Variants in MYH10 observed in about 807,000 individuals in gnomAD.
MYH10 encodes the protein myosin heavy chain 10, also known as myosin-10.
A neutral mutation model predicts 257.8 loss-of-function variants in MYH10; 55 were observed. The ratio of observed to expected loss-of-function variants is 0.21; its 90% CI spans 0.17 to 0.27. The LOEUF is 0.27. Among genes scored for constraint, MYH10 ranks in the 10% least tolerant of loss-of-function variants. The pLI, the probability that MYH10 is intolerant of heterozygous loss-of-function variation, is 1.00. For missense variants in MYH10, 1,631 were observed against 2,500.6 expected, an observed-to-expected ratio of 0.65 and a Z score of 7.42; for synonymous variants, 854 against 921.7, an observed-to-expected ratio of 0.93 and a Z score of 1.33.
chr17:8,601,726 A>G (rs1468726584), intron 3 of MYH10, among the ~76,000 whole-genome samples: 1 of 151,952 alleles, frequency 6.6e-6, no homozygotes, highest in Non-Finnish European at 1.5e-5. Flanking sequence ...CTCTGCTTTC[A>G]TTCATTCATT....
chr17:8,575,287 C>T (rs268460), intron 6 of MYH10, among the ~76,000 whole-genome samples: 146,502 of 152,308 alleles, frequency 0.96, 70,714 homozygotes, highest in East Asian at 1. Flanking sequence ...ATGTGTTCCA[C>T]AGGGAATTTG....
At chr17:8,571,927 C>CTT (rs10654533) in intron 6 of MYH10, among the ~76,000 whole-genome samples, 140,497 of 147,364 alleles carry the variant, frequency 0.95, 67,153 homozygotes, top group South Asian at 0.99. Context: ...CTCTAAAAGC[C>CTT]TTTTTTTTTT....
At chr17:8,487,319 C>A in intron 36 of MYH10, 114 bp downstream of exon 36, 2 of 1,292,254 alleles carry the variant, frequency 1.5e-6, no homozygotes, top group Non-Finnish European at 2.2e-6. Flanking sequence ...GCTGCCCCAC[C>A]CCCGGCCACG....
At chr17:8,627,195 C>T (rs150824908) in intron 1 of MYH10, among the ~76,000 whole-genome samples, 2 of 152,094 alleles carry the variant, frequency 1.3e-5, no homozygotes, top group East Asian at 3.9e-4. Context: ...GTAGGATTAC[C>T]AATGACTTTC....
intron 28 of MYH10, among the ~76,000 whole-genome samples, chr17:8,501,298 A>G (rs61548052): frequency 0.086 from 13,021 of 152,112 alleles, 696 homozygotes; most frequent in African/African-American, 0.15. Context: ...TTAAAAAAAA[A>G]CCAAAAAAAC....
rs147624587 is a variant in MYH10, at chr17:8,579,999, C to T, written c.531-2661G>A. Among the ~76,000 whole-genome samples the T allele has an allele frequency of 3.9e-5, 6 of 152,172 alleles. No individual in the cohort carries two copies. In the East Asian group the frequency reaches 5.8e-4, roughly 15 times the overall value. ...TCTTTTAGACAGGCATGGTGGCGGG[C>T]GCCTGTAATCCCAGCTACTCGGGAG... On this transcript the variant is annotated intron_variant, in intron 4 of 42. Transcript: ENST00000360416.
intron 1 of MYH10, among the ~76,000 whole-genome samples, chr17:8,627,982 C>A (rs1169089399): frequency 6.6e-6 from 1 of 152,176 alleles, no homozygotes; most frequent in Non-Finnish European, 1.5e-5. Context: ...AGAGTACACA[C>A]TACAATGATG....
chr17:8,566,866 A>G (rs567705427), intron 7 of MYH10, among the ~76,000 whole-genome samples: 1 of 152,294 alleles, frequency 6.6e-6, no homozygotes, highest in African/African-American at 2.4e-5. Flanking sequence ...GAACCACTAC[A>G]TTCTTTACCC....
rs569208731 is a variant in MYH10 at position 8,602,519 on chromosome 17, G to T, written c.502+2307C>A. On this transcript the variant is annotated intron_variant, in intron 3 of 42. Coordinates refer to ENST00000360416, the MANE Select transcript of MYH10 (RefSeq NM_001256012.3). ...TGCTGCATATGCTAATGTCTGACTA[G>T]CCCTGCAGATGCCCCCTCAATTATG... Among the ~76,000 whole-genome samples, 299 of 152,316 alleles carry T rather than the reference G, an allele frequency of 2.0e-3. 1 individual carries two copies. The highest frequency in any genetic ancestry group is 6.7e-3 in the African/African-American group (279 of 41,576).
chr17:8,536,525 C>T (rs887831017), intron 14 of MYH10, among the ~76,000 whole-genome samples: 1 of 151,960 alleles, frequency 6.6e-6, no homozygotes, highest in Non-Finnish European at 1.5e-5. Flanking sequence ...TTATGTGATG[C>T]AATTATTACT....
At chr17:8,587,394 C>T (rs1207708326) in intron 4 of MYH10, among the ~76,000 whole-genome samples, 3 of 152,110 alleles carry the variant, frequency 2.0e-5, no homozygotes, top group African/African-American at 4.8e-5. Flanking sequence ...ATAACAAAGC[C>T]GACTGACTAA....
chr17:8,534,177 C>T (rs1310513833), intron 16 of MYH10, among the ~76,000 whole-genome samples: 1 of 152,208 alleles, frequency 6.6e-6, no homozygotes, highest in Non-Finnish European at 1.5e-5. Flanking sequence ...CCAGTCCTCA[C>T]ACAGCATCCC....
chr17:8,577,909 G>C (rs541237278), intron 4 of MYH10, among the ~76,000 whole-genome samples: 1 of 152,166 alleles, frequency 6.6e-6, no homozygotes, highest in African/African-American at 2.4e-5. Context: ...CCTTGGGGGT[G>C]GGGGGGTTCT....
Position 8,475,555 on chromosome 17 carries a change from A to G in MYH10, c.*249T>C, listed in dbSNP as rs1389030430. On this transcript the variant is annotated 3_prime_UTR_variant, in exon 43 of 43. Coordinates refer to ENST00000360416, the MANE Select transcript of MYH10 (RefSeq NM_001256012.3). The stretch of plus-strand genomic sequence containing the variant: ...TATAAAATGGTCTCTTGATGACTAT[A>G]TGGAAAATAGATGCAATGATGAAAC... 4.4e-6 allele frequency: 2 copies of G among 450,240 alleles called. No individual in the cohort carries two copies. The highest frequency in any genetic ancestry group is 7.9e-6 in the Non-Finnish European group (2 of 254,398). The allele number at this position is 450,240 out of a possible 1,614,324, so 27.9% of individuals were successfully genotyped here.
intron 30 of MYH10, among the ~76,000 whole-genome samples, chr17:8,498,528 T>G (rs1018948182): frequency 1.3e-5 from 2 of 152,096 alleles, no homozygotes; most frequent in African/African-American, 4.8e-5. Context: ...GCTCGTGATC[T>G]AAGACTGCCA....
At chr17:8,582,934 A>G (rs1363849581) in intron 4 of MYH10, among the ~76,000 whole-genome samples, 2 of 152,218 alleles carry the variant, frequency 1.3e-5, no homozygotes, top group East Asian at 3.9e-4. Context: ...TGTTTTAGAT[A>G]ACCTCGATTT....
At chr17:8,595,062 A>ATATT (rs2084310224) in intron 3 of MYH10, among the ~76,000 whole-genome samples, 1 of 152,230 alleles carries the variant, frequency 6.6e-6, no homozygotes, top group South Asian at 2.1e-4. Context: ...GAATATGCAT[A>ATATT]TAATGGACTA....
At chr17:8,503,253 G>A (rs892717659) in intron 28 of MYH10, among the ~76,000 whole-genome samples, 37 of 151,518 alleles carry the variant, frequency 2.4e-4, no homozygotes, top group Non-Finnish European at 1.5e-5. Flanking sequence ...ATCGTGCTCC[G>A]GCCTGGGCAA....
In MYH10 at chr17:8,477,196, T is replaced by C. The variant is rs1371319964; in HGVS notation, c.5707-148A>G. 1.7e-5 allele frequency: 14 copies of C among 817,610 alleles called. No individual in the cohort carries two copies. Among genetic ancestry groups the C allele is most frequent in the Non-Finnish European group, 2.0e-5 (11 of 538,960 alleles). The allele number at this position is 817,610 out of a possible 1,614,324, so 50.6% of individuals were successfully genotyped here. A position where few individuals can be genotyped will look rare whatever the true frequency, so the allele number is the denominator to read the frequency against. On this transcript the variant is annotated intron_variant, in intron 41 of 42. Coordinates refer to ENST00000360416, the MANE Select transcript of MYH10 (RefSeq NM_001256012.3). The surrounding 1 kb of genome is among the most constrained non-coding windows in gnomAD (Gnocchi z 4.2). ...ATGTACACGCGTGCCTGGGGGCTGG[T>C]CGGAGGCTCTGTAACCGGCCTGCCG...
Sources: allele counts gnomAD v4.1 joint callset (sites outside exome capture counted in the v4.1 genomes callset), GRCh38; gene constraint gnomAD v4.1.1; non-coding constraint Gnocchi (gnomAD v3.1); transcripts MANE v1.5; gene names NCBI Gene and HGNC (gene_info 2026-07-23, HGNC 2026-07-21).